The following RERG variants were observed in gnomAD, a reference collection of about 807,000 sequenced individuals.
RERG encodes the protein ras-related and estrogen-regulated growth inhibitor.
RERG carries 25 observed loss-of-function variants against 23.2 expected under a neutral mutation model. That is an observed-to-expected ratio of 1.08 (90% CI 0.79 to 1.50). The LOEUF (loss-of-function observed/expected upper bound fraction) is 1.50, where lower values mean the gene tolerates loss of function less well. Ranked by LOEUF, RERG falls within the 40% of genes most tolerant of loss-of-function variation. The pLI, the probability that RERG is intolerant of heterozygous loss-of-function variation, is 0.00. For synonymous variants in RERG, 81 were observed against 89.1 expected, an observed-to-expected ratio of 0.91 and a Z score of 0.51; for missense variants, 253 against 250.1, an observed-to-expected ratio of 1.01 and a Z score of -0.08.
intron 2 of RERG, among the ~76,000 whole-genome samples, chr12:15,166,458 C>T (rs559383119): frequency 2.8e-4 from 42 of 151,850 alleles, no homozygotes; most frequent in South Asian, 1.0e-3. Context: ...CTCTGAGCTT[C>T]AGTCTCATGA....
At chr12:15,203,055 G>T (rs1233209607) in intron 2 of RERG, among the ~76,000 whole-genome samples, 2 of 151,640 alleles carry the variant, frequency 1.3e-5, no homozygotes, top group Non-Finnish European at 1.5e-5. Context: ...GCATTGCCCT[G>T]ATGACTAGTG....
intron 2 of RERG, chr12:15,217,117 A>G (rs1311302677): frequency 1.2e-5 from 3 of 260,418 alleles, no homozygotes; most frequent in Non-Finnish European, 2.2e-5. Flanking sequence ...AGAGAAAAGA[A>G]CAAATATATA....
Position 15,108,994 on chromosome 12 carries a change from A to C in RERG, c.*116T>G. 1.8e-6 allele frequency: 2 copies of C among 1,103,340 alleles called. No homozygotes were observed. The allele number at this position is 1,103,340 out of a possible 1,614,324, so 68.3% of individuals were successfully genotyped here. ...CCTATTAGAGGCCAGAAACAATGGG[A>C]AGCCCAGACATTTCTCAGAATCCAA... On this transcript the variant is annotated 3_prime_UTR_variant, in exon 5 of 5. Coordinates refer to ENST00000256953, the MANE Select transcript of RERG (RefSeq NM_032918.3).
intron 2 of RERG, among the ~76,000 whole-genome samples, chr12:15,126,324 T>C (rs916955258): frequency 1.3e-5 from 2 of 151,786 alleles, no homozygotes; most frequent in Non-Finnish European, 2.9e-5. Flanking sequence ...TTCTGAACAT[T>C]TATTATCCTC....
intron 2 of RERG, among the ~76,000 whole-genome samples, chr12:15,167,770 A>G (rs1864716987): frequency 6.6e-6 from 1 of 152,156 alleles, no homozygotes; most frequent in African/African-American, 2.4e-5. Flanking sequence ...CCTGTTTAAC[A>G]TTTCTAATAA....
At chr12:15,141,876 C>T (rs1864243824) in intron 2 of RERG, among the ~76,000 whole-genome samples, 2 of 152,174 alleles carry the variant, frequency 1.3e-5, no homozygotes, top group Non-Finnish European at 2.9e-5. Context: ...TATTTTTTCA[C>T]ATTTATTTTG....
At chr12:15,196,167 T>A (rs968733543) in intron 2 of RERG, among the ~76,000 whole-genome samples, 1 of 152,142 alleles carries the variant, frequency 6.6e-6, no homozygotes, top group African/African-American at 2.4e-5. Context: ...GTCAACAATT[T>A]GTTGAACTGG....
At position 15,208,608 on chromosome 12, in the gene RERG, C is replaced by T. The variant is rs570157306; in HGVS notation, c.61+8821G>A. Reference sequence around the variant, plus strand: ...TTTTGGAAGGTACATGGATCCTGTACGATATGCAGGGATACCAGATCAGCT... The same window carrying T: ...TTTTGGAAGGTACATGGATCCTGTATGATATGCAGGGATACCAGATCAGCT... On this transcript the variant is annotated intron_variant, in intron 2 of 4. Transcript: ENST00000256953. 4.6e-5 allele frequency among the ~76,000 whole-genome samples: 7 copies of T among 152,076 alleles called. No individual in the cohort carries two copies. In the South Asian group the frequency reaches 1.2e-3, roughly 27 times the overall value.
chr12:15,174,832 A>T (rs1864825462), intron 2 of RERG, among the ~76,000 whole-genome samples: 2 of 151,812 alleles, frequency 1.3e-5, no homozygotes, highest in South Asian at 4.1e-4. Context: ...CTCTTTATTG[A>T]TATTCTCTAT....
intron 2 of RERG, among the ~76,000 whole-genome samples, chr12:15,172,447 A>T (rs912418578): frequency 6.6e-6 from 1 of 152,080 alleles, no homozygotes; most frequent in Non-Finnish European, 1.5e-5. Context: ...TCCATGCACA[A>T]GATTTTATGT....
At chr12:15,166,741 C>T (rs1312871766) in intron 2 of RERG, among the ~76,000 whole-genome samples, 5 of 150,830 alleles carry the variant, frequency 3.3e-5, no homozygotes, top group Non-Finnish European at 4.4e-5. Flanking sequence ...TTGTGTCAAC[C>T]ACTATACTGC....
At chr12:15,173,035 T>C (rs557335208) in intron 2 of RERG, among the ~76,000 whole-genome samples, 8 of 152,196 alleles carry the variant, frequency 5.3e-5, no homozygotes, top group Non-Finnish European at 1.0e-4. Flanking sequence ...TTTTGTGTTA[T>C]ATCTATAAAA....
intron 2 of RERG, among the ~76,000 whole-genome samples, chr12:15,152,223 G>A (rs1295554201): frequency 6.6e-6 from 1 of 152,164 alleles, no homozygotes; most frequent in Non-Finnish European, 1.5e-5. Context: ...CATTAGCAAA[G>A]TCATAGGAGT....
chr12:15,189,300 C>T (rs941945357), intron 2 of RERG, among the ~76,000 whole-genome samples: 2 of 152,134 alleles, frequency 1.3e-5, no homozygotes, highest in African/African-American at 4.8e-5. Flanking sequence ...TCTCTCTGAC[C>T]TCTTTCTTCT....
At chr12:15,120,052 T>C (rs938562395) in intron 3 of RERG, among the ~76,000 whole-genome samples, 4 of 152,106 alleles carry the variant, frequency 2.6e-5, no homozygotes, top group African/African-American at 4.8e-5. Context: ...TATGAAAAGA[T>C]TGCATTGGAA....
At chr12:15,215,877 G>A (rs1010314598) in intron 2 of RERG, among the ~76,000 whole-genome samples, 1 of 152,082 alleles carries the variant, frequency 6.6e-6, no homozygotes, top group Non-Finnish European at 1.5e-5. Context: ...ACGGATGGAC[G>A]CACGTACAGC....
intron 2 of RERG, among the ~76,000 whole-genome samples, chr12:15,167,638 A>T (rs889013518): frequency 2.0e-5 from 3 of 152,196 alleles, no homozygotes; most frequent in African/African-American, 7.2e-5. Context: ...GCTGTTTTTG[A>T]TGGAAGCTGG....
chr12:15,209,491 G>A (rs992649811), intron 2 of RERG, among the ~76,000 whole-genome samples: 2 of 151,710 alleles, frequency 1.3e-5, no homozygotes, highest in African/African-American at 4.9e-5. Context: ...ATATTCTTTA[G>A]CAAAAGATGA....
At chr12:15,113,104 A>G (rs1863652940) in intron 3 of RERG, among the ~76,000 whole-genome samples, 1 of 152,214 alleles carries the variant, frequency 6.6e-6, no homozygotes, top group Non-Finnish European at 1.5e-5. Flanking sequence ...CTGGCATTAC[A>G]ATTCTAGATG....
Sources: allele counts gnomAD v4.1 joint callset (sites outside exome capture counted in the v4.1 genomes callset), GRCh38; gene constraint gnomAD v4.1.1; transcripts MANE v1.5; gene names NCBI Gene and HGNC (gene_info 2026-07-23, HGNC 2026-07-21).